Variants in DRC4 observed in about 807,000 individuals in gnomAD.
DRC4 encodes the protein dynein regulatory complex subunit 4.
chr16:90,044,363 A>G, the DRC4 span: 1 of 410,632 alleles, frequency 2.4e-6, no homozygotes, highest in African/African-American at 2.1e-5. Context: ...TGGGAGCTCA[A>G]AGCAAGTGAG....
At chr16:90,034,086 A>G in the DRC4 span, among the ~76,000 whole-genome samples, 1 of 152,220 alleles carries the variant, frequency 6.6e-6, no homozygotes, top group South Asian at 2.1e-4. Flanking sequence ...GAACTTGGGC[A>G]GAGGAGAGAT....
chr16:90,037,210 G>A, the DRC4 span: 49 of 1,586,584 alleles, frequency 3.1e-5, no homozygotes, highest in Non-Finnish European at 3.9e-5. Flanking sequence ...AGCCCCTGCC[G>A]GGCCTGTGCT....
At chr16:90,023,189 G>C in the DRC4 span, among the ~76,000 whole-genome samples, 1,265 of 152,238 alleles carry the variant, frequency 8.3e-3, 20 homozygotes, top group African/African-American at 0.029. Flanking sequence ...GGAGAGCCTG[G>C]GGCACACCAG....
At chr16:90,031,505 G>C in the DRC4 span, 1 of 1,551,384 alleles carries the variant, frequency 6.4e-7, no homozygotes, top group Non-Finnish European at 8.7e-7. Context: ...AGGTGAGTGG[G>C]GCCGGCCTGC....
At chr16:90,036,424 C>T in the DRC4 span, 59 of 1,612,094 alleles carry the variant, frequency 3.7e-5, no homozygotes, top group South Asian at 5.5e-4. Flanking sequence ...TGCTGAGGGA[C>T]GAACTCGACT....
chr16:90,033,130 C>T, the DRC4 span, among the ~76,000 whole-genome samples: 4 of 152,194 alleles, frequency 2.6e-5, no homozygotes, highest in African/African-American at 9.7e-5. Context: ...AATTCTGTCT[C>T]AGACCTGAGC....
chr16:90,031,149 C>A, the DRC4 span: 1 of 1,503,366 alleles, frequency 6.7e-7, no homozygotes, highest in Admixed American at 2.0e-5. Context: ...AGCTTCCTAG[C>A]CTTATATTTT....
chr16:90,037,939 C>T, the DRC4 span: 1 of 1,176,540 alleles, frequency 8.5e-7, no homozygotes, highest in South Asian at 1.2e-5. Context: ...ACTAGGCTGG[C>T]CCTGCAGTGG....
At chr16:90,035,328 T>TG in the DRC4 span, among the ~76,000 whole-genome samples, 1 of 152,228 alleles carries the variant, frequency 6.6e-6, no homozygotes, top group African/African-American at 2.4e-5. Context: ...CCTTTTAATA[T>TG]GCTGCTTCAG....
the DRC4 span, chr16:90,040,186 A>C: frequency 1.0e-6 from 1 of 994,682 alleles, no homozygotes; most frequent in South Asian, 1.5e-5. Flanking sequence ...GGGAGTGGGC[A>C]CTGTTGGGAG....
At chr16:90,042,434 A>G in the DRC4 span, 3 of 1,604,846 alleles carry the variant, frequency 1.9e-6, no homozygotes, top group Non-Finnish European at 2.6e-6. Context: ...CGGCCAAAAG[A>G]TGAGTCTCAA....
the DRC4 span, chr16:90,022,699 C>T: frequency 4.2e-6 from 6 of 1,424,772 alleles, no homozygotes; most frequent in Admixed American, 7.4e-5. Flanking sequence ...CCGGAGTCGC[C>T]GCTGGGCCTG....
the DRC4 span, chr16:90,043,929 G>C: frequency 2.3e-6 from 1 of 432,808 alleles, no homozygotes; most frequent in Non-Finnish European, 4.8e-6. Flanking sequence ...TCCCTCGGTA[G>C]GTGATGTAGG....
chr16:90,040,177 G>T, the DRC4 span: 1 of 900,790 alleles, frequency 1.1e-6, no homozygotes. Context: ...CGGTGCTGTG[G>T]GAGTGGGCAC....
chr16:90,041,616 C>A, the DRC4 span, among the ~76,000 whole-genome samples: 2 of 152,112 alleles, frequency 1.3e-5, no homozygotes, highest in Non-Finnish European at 2.9e-5. Flanking sequence ...CCAGCCTGGC[C>A]AAGATGGTGA....
the DRC4 span, among the ~76,000 whole-genome samples, chr16:90,027,330 C>T: frequency 2.0e-5 from 3 of 151,600 alleles, no homozygotes; most frequent in Non-Finnish European, 4.4e-5. Flanking sequence ...CCTCGTGATC[C>T]GTCCACCTCG....
chr16:90,038,841 T>C, the DRC4 span, among the ~76,000 whole-genome samples: 1 of 152,242 alleles, frequency 6.6e-6, no homozygotes, highest in African/African-American at 2.4e-5. Flanking sequence ...AGTTTCAAAG[T>C]TCTGGCCAAG....
chr16:90,035,514 A>G, the DRC4 span: 1 of 1,294,732 alleles, frequency 7.7e-7, no homozygotes, highest in South Asian at 1.2e-5. Context: ...ACTTTAGTTG[A>G]GGGAGGTGAG....
the DRC4 span, chr16:90,022,553 C>G: frequency 3.1e-6 from 2 of 654,744 alleles, no homozygotes; most frequent in African/African-American, 3.8e-5. Flanking sequence ...TTCCGGACGC[C>G]CGTCTCTAGG....
Sources: gnomAD v4.1 joint callset for allele counts (sites outside exome capture counted in the v4.1 genomes callset) on GRCh38, gnomAD v4.1.1 for gene constraint, MANE v1.5 for transcripts, NCBI Gene and HGNC (gene_info 2026-07-23, HGNC 2026-07-21) for gene names.